The following CNTN1 variants were observed in gnomAD, a reference collection of about 807,000 sequenced individuals.
CNTN1 encodes the protein contactin 1.
A neutral mutation model predicts 126.4 loss-of-function variants in CNTN1; 38 were observed. The ratio of observed to expected loss-of-function variants is 0.30; its 90% confidence interval spans 0.23 to 0.39. CNTN1 has a LOEUF of 0.39. CNTN1 is among the 10% of genes least tolerant of loss of function. CNTN1 has a pLI of 1.00. For synonymous variants in CNTN1, 413 were observed against 422.6 expected (o/e 0.98, Z 0.28); for missense variants, 1,009 against 1,248.4 (o/e 0.81, Z 2.89).
intron 23 of CNTN1, among the ~76,000 whole-genome samples, chr12:41,055,109 C>T (rs12809837): frequency 5.3e-5 from 8 of 151,936 alleles, no homozygotes; most frequent in Admixed American, 2.0e-4. Flanking sequence ...ATGTCCTAGA[C>T]GATGATAAAA....
At chr12:40,741,005 C>G (rs1170752857) in intron 1 of CNTN1, among the ~76,000 whole-genome samples, 11 of 151,818 alleles carry the variant, frequency 7.2e-5, no homozygotes, top group Non-Finnish European at 1.3e-4. Context: ...GGACTAATAC[C>G]CCTCCTATAC....
chr12:40,845,591 T>G (rs56097045), intron 1 of CNTN1, among the ~76,000 whole-genome samples: 35,817 of 151,958 alleles, frequency 0.24, 4,797 homozygotes, highest in South Asian at 0.36. Flanking sequence ...AGCCTCAAGA[T>G]GGGGCTAGTC....
chr12:40,858,477 C>T (rs1186859417), intron 1 of CNTN1, among the ~76,000 whole-genome samples: 1 of 152,038 alleles, frequency 6.6e-6, no homozygotes, highest in Non-Finnish European at 1.5e-5. Flanking sequence ...AGGGCAATTA[C>T]TAAAAAAGTC....
At chr12:40,966,481 A>ATAAT (rs1478066179) in intron 15 of CNTN1, among the ~76,000 whole-genome samples, 1 of 152,206 alleles carries the variant, frequency 6.6e-6, no homozygotes, top group Non-Finnish European at 1.5e-5. Flanking sequence ...CTGGTTCTCC[A>ATAAT]TAATTGTAAT....
intron 23 of CNTN1, among the ~76,000 whole-genome samples, chr12:41,044,167 A>G (rs1949489836): frequency 6.6e-6 from 1 of 151,766 alleles, no homozygotes; most frequent in Non-Finnish European, 1.5e-5. Context: ...AAATAAATAA[A>G]AAAATAAAAT....
intron 17 of CNTN1, among the ~76,000 whole-genome samples, chr12:41,006,988 T>G (rs2120657902): frequency 6.7e-6 from 1 of 150,198 alleles, no homozygotes; most frequent in South Asian, 2.1e-4. Context: ...AGAGAAAAAC[T>G]TGGAGAGAAT....
chr12:40,815,315 C>T lies in CNTN1; in HGVS notation c.-76-93042C>T, dbSNP rs115637782. On this transcript the variant is annotated intron_variant, in intron 1 of 23. Coordinates refer to ENST00000551295, the MANE Select transcript of CNTN1 (RefSeq NM_001843.4). Reference sequence around the variant, plus strand: ...ATATTTTTCCATTTGTTTGTGTTCTCTCATTTGCTTGAGCAGTGGTTTGTA... The same window carrying T: ...ATATTTTTCCATTTGTTTGTGTTCTTTCATTTGCTTGAGCAGTGGTTTGTA... Among the ~76,000 whole-genome samples, 1,445 of 152,152 alleles carry T rather than the reference C, an allele frequency of 9.5e-3. 22 individuals are homozygous for T. Among genetic ancestry groups the T allele is most frequent in the African/African-American group, 0.033 (1,369 of 41,534 alleles).
chr12:40,813,058 TCTTC>T (rs1208093195), intron 1 of CNTN1, among the ~76,000 whole-genome samples: 2,799 of 104,574 alleles, frequency 0.027, 97 homozygotes, highest in Middle Eastern at 0.054. Context: ...TTTCTTTCTT[TCTTC>T]CTTCCTTCCT....
intron 1 of CNTN1, among the ~76,000 whole-genome samples, chr12:40,899,959 G>A (rs1466517567): frequency 1.3e-5 from 2 of 152,072 alleles, no homozygotes; most frequent in Non-Finnish European, 2.9e-5. Flanking sequence ...AGTAATAAAC[G>A]ATAAGGGATT....
chr12:40,822,714 A>G (rs1941491239), intron 1 of CNTN1, among the ~76,000 whole-genome samples: 1 of 152,200 alleles, frequency 6.6e-6, no homozygotes, highest in Non-Finnish European at 1.5e-5. Flanking sequence ...CTTTAAAAAA[A>G]ATCTATAGAA....
intron 1 of CNTN1, among the ~76,000 whole-genome samples, chr12:40,807,433 AG>A (rs1940900508): frequency 6.6e-6 from 1 of 152,086 alleles, no homozygotes; most frequent in African/African-American, 2.4e-5. Flanking sequence ...CCAAAGAGCT[AG>A]CATAAGGAGG....
At position 41,071,885 on chromosome 12, in the gene CNTN1, T is replaced by G. The variant is rs1279656845; in HGVS notation, c.*1850T>G. On this transcript the variant is annotated 3_prime_UTR_variant, in exon 24 of 24. Coordinates refer to ENST00000551295, the MANE Select transcript of CNTN1 (RefSeq NM_001843.4). ...TTTACTTTTGCAATGTGACCCATGT[T>G]GGGCATTTTTATATAATCAACAACT... 6.6e-6 allele frequency: 1 copy of G among 152,210 alleles called. No homozygotes were observed. The highest frequency in any genetic ancestry group is 1.5e-5 in the Non-Finnish European group (1 of 68,028). 9.4% of individuals were successfully genotyped at this position (152,210 alleles called of 1,614,324 possible).
intron 1 of CNTN1, among the ~76,000 whole-genome samples, chr12:40,893,482 A>T (rs1029253924): frequency 6.6e-6 from 1 of 152,058 alleles, no homozygotes; most frequent in Admixed American, 6.6e-5. Flanking sequence ...TCCTGAAAAC[A>T]CTCAGGAAGC....
At chr12:40,898,520 T>G (rs1247294401) in intron 1 of CNTN1, among the ~76,000 whole-genome samples, 2 of 152,108 alleles carry the variant, frequency 1.3e-5, no homozygotes, top group Non-Finnish European at 2.9e-5. Flanking sequence ...TGAACAGTTT[T>G]AATTGAATTG....
intron 1 of CNTN1, among the ~76,000 whole-genome samples, chr12:40,702,125 A>G (rs1340768057): frequency 6.7e-6 from 1 of 149,540 alleles, no homozygotes; most frequent in Non-Finnish European, 1.5e-5. Context: ...CCCTAGAGAC[A>G]GGGTCTTGCT....
intron 1 of CNTN1, among the ~76,000 whole-genome samples, chr12:40,791,433 C>A (rs188495799): frequency 6.6e-6 from 1 of 152,232 alleles, no homozygotes; most frequent in South Asian, 2.1e-4. Flanking sequence ...AAAGTTGGAT[C>A]ATTTTCTCTA....
At chr12:40,774,422 T>C (rs1409713940) in intron 1 of CNTN1, among the ~76,000 whole-genome samples, 3 of 151,648 alleles carry the variant, frequency 2.0e-5, no homozygotes, top group Non-Finnish European at 4.4e-5. Context: ...CATCGATCTA[T>C]CAGTAGTTCA....
At chr12:40,819,445 T>C (rs1941371086) in intron 1 of CNTN1, among the ~76,000 whole-genome samples, 1 of 152,002 alleles carries the variant, frequency 6.6e-6, no homozygotes, top group Non-Finnish European at 1.5e-5. Context: ...GGGTTAGACC[T>C]GAAGAGGCAC....
intron 1 of CNTN1, among the ~76,000 whole-genome samples, chr12:40,886,025 G>C (rs986536152): frequency 6.6e-6 from 1 of 151,990 alleles, no homozygotes; most frequent in Admixed American, 6.6e-5. Context: ...GAAAACTATA[G>C]TTTAGTTTAT....
Sources: allele counts gnomAD v4.1 joint callset (sites outside exome capture counted in the v4.1 genomes callset), GRCh38; gene constraint gnomAD v4.1.1; transcripts MANE v1.5; gene names NCBI Gene and HGNC (gene_info 2026-07-23, HGNC 2026-07-21).